FAM193A: variants seen among roughly 807,000 people sequenced by gnomAD.
FAM193A encodes the protein family with sequence similarity 193 member A, also known as protein FAM193A.
A neutral mutation model predicts 126.5 loss-of-function variants in FAM193A; 22 were observed. That is an observed-to-expected ratio of 0.17 (90% CI 0.12 to 0.25). The LOEUF (loss-of-function observed/expected upper bound fraction) is 0.25, where lower values mean the gene tolerates loss of function less well. Ranked by LOEUF, FAM193A falls within the 10% of genes least tolerant of loss-of-function variation. The probability of loss-of-function intolerance (pLI) is 1.00; values close to 1 mark genes in which losing one functional copy is unlikely to be tolerated. For missense variants in FAM193A, 1,675 were observed against 1,672.8 expected, an observed-to-expected ratio of 1.00 and a Z score of -0.02; for synonymous variants, 761 against 646.8, an observed-to-expected ratio of 1.18 and a Z score of -2.68.
At chr4:2,728,972 C>T (rs1210182554) in intron 20 of FAM193A, among the ~76,000 whole-genome samples, 2 of 127,510 alleles carry the variant, frequency 1.6e-5, no homozygotes, top group Admixed American at 1.0e-4. Context: ...AGTGCAGTGG[C>T]GCATTCTCAG....
chr4:2,657,578 T>C (rs897688623), intron 7 of FAM193A, among the ~76,000 whole-genome samples: 7 of 152,226 alleles, frequency 4.6e-5, no homozygotes, highest in Non-Finnish European at 1.0e-4. Flanking sequence ...TTTTACTGTT[T>C]ATTCATCTCT....
chr4:2,727,427 C>G (rs541304639), intron 20 of FAM193A, among the ~76,000 whole-genome samples: 2 of 152,288 alleles, frequency 1.3e-5, no homozygotes, highest in East Asian at 3.9e-4. Flanking sequence ...GACACAGTCT[C>G]TCACTCTGTC....
intron 2 of FAM193A, among the ~76,000 whole-genome samples, chr4:2,621,579 C>T (rs979558022): frequency 1.3e-5 from 2 of 152,158 alleles, no homozygotes; most frequent in African/African-American, 4.8e-5. Flanking sequence ...TCTGTGATCT[C>T]ACTCTGCTGC....
At chr4:2,694,909 C>T (rs777402410) in intron 16 of FAM193A, 37 bp from the exon 17 acceptor site, 11 of 1,538,348 alleles carry the variant, frequency 7.2e-6, no homozygotes, top group Middle Eastern at 2.1e-4. Context: ...CCTCCCGGGC[C>T]GGCCACTTGC....
intron 1 of FAM193A, among the ~76,000 whole-genome samples, chr4:2,548,191 C>A (rs1210632175): frequency 1.3e-5 from 2 of 151,192 alleles, no homozygotes; most frequent in Non-Finnish European, 2.9e-5. Context: ...CCTGCCTCAG[C>A]CTCCCGAGTA....
chr4:2,553,554 T>C (rs930567055), intron 1 of FAM193A, among the ~76,000 whole-genome samples: 5 of 152,036 alleles, frequency 3.3e-5, no homozygotes, highest in Non-Finnish European at 7.4e-5. Context: ...CTAATTTTTG[T>C]ATTTTTAGTA....
intron 12 of FAM193A, 149 bp downstream of exon 12, chr4:2,663,437 A>C: frequency 3.3e-6 from 2 of 600,020 alleles, no homozygotes; most frequent in Non-Finnish European, 5.4e-6. Context: ...TACAATCTCC[A>C]TTTGAATCTT....
At chr4:2,643,391 T>C (rs991690756) in intron 6 of FAM193A, among the ~76,000 whole-genome samples, 9 of 152,212 alleles carry the variant, frequency 5.9e-5, no homozygotes, top group Non-Finnish European at 1.3e-4. Context: ...ACTTTTGATA[T>C]ATTTCATTTT....
intron 6 of FAM193A, among the ~76,000 whole-genome samples, chr4:2,644,938 T>C (rs1212559624): frequency 6.6e-6 from 1 of 152,236 alleles, no homozygotes; most frequent in African/African-American, 2.4e-5. Flanking sequence ...TTTTTCCCTA[T>C]GTCCACTATA....
At position 2,581,800 on chromosome 4, in the gene FAM193A, C is replaced by T. The variant is rs537356012; in HGVS notation, c.256-14284C>T. Among the ~76,000 whole-genome samples the T allele has an allele frequency of 1.4e-4, 21 of 151,704 alleles. No individual in the cohort carries two copies. The East Asian group carries it at 3.5e-3, about 25-fold the overall frequency. On this transcript the variant is annotated intron_variant, in intron 1 of 20. Transcript: ENST00000637812. ...TCCCAAGTAGCTGGGACTACAGGCC[C>T]CCGCCACCATGCACGGCTAATTTTT... is the stretch of plus-strand genomic sequence containing the variant.
At chr4:2,542,650 G>A (rs1372745378) in intron 1 of FAM193A, among the ~76,000 whole-genome samples, 1 of 152,104 alleles carries the variant, frequency 6.6e-6, no homozygotes, top group African/African-American at 2.4e-5. Context: ...GTGCAAAATG[G>A]CACCCAAAAC....
rs1298001913 is a variant in FAM193A at position 2,618,665 on chromosome 4, G to T, written c.502-6597G>T. 4.9e-5 allele frequency among the ~76,000 whole-genome samples: 7 copies of T among 143,564 alleles called. No homozygotes were observed. The Admixed American group carries it at 5.2e-4, about 11-fold the overall frequency. 94.2% of individuals were successfully genotyped at this position (143,564 alleles called of 152,430 possible). The stretch of plus-strand genomic sequence containing the variant: ...GGCTGAAGTGCAATGGTGTGATCTC[G>T]TCTCACTGCAACCTCCTCCTCCTGG... On this transcript the variant is annotated intron_variant, in intron 2 of 20. Transcript: ENST00000637812.
intron 2 of FAM193A, among the ~76,000 whole-genome samples, chr4:2,616,283 CTT>C (rs1009839205): frequency 1.3e-5 from 2 of 152,166 alleles, no homozygotes; most frequent in East Asian, 1.9e-4. Flanking sequence ...GTGAAGCAAA[CTT>C]TGTCTTATAC....
At chr4:2,578,373 A>G (rs1739726647) in intron 1 of FAM193A, among the ~76,000 whole-genome samples, 1 of 151,932 alleles carries the variant, frequency 6.6e-6, no homozygotes, top group South Asian at 2.1e-4. Flanking sequence ...TTGACTAATG[A>G]TTACTGTGCA....
intron 1 of FAM193A, among the ~76,000 whole-genome samples, chr4:2,537,997 T>A (rs1158219568): frequency 1.3e-5 from 2 of 152,218 alleles, no homozygotes; most frequent in East Asian, 3.8e-4. Context: ...GAGGGTACAC[T>A]ATTTATAAGT....
At chr4:2,696,910 G>A (rs1717101617) in intron 18 of FAM193A, among the ~76,000 whole-genome samples, 1 of 152,224 alleles carries the variant, frequency 6.6e-6, no homozygotes, top group Non-Finnish European at 1.5e-5. Context: ...GAAGAAAGGA[G>A]CCGTCAACTG....
chr4:2,627,453 A>G lies in FAM193A; in HGVS notation c.803+876A>G, dbSNP rs1305822071. Among the ~76,000 whole-genome samples the G allele has an allele frequency of 6.7e-5, 5 of 74,508 alleles. No homozygotes were observed. In the East Asian group the frequency reaches 2.4e-3, roughly 36 times the overall value. 48.9% of individuals were successfully genotyped at this position (74,508 alleles called of 152,430 possible). On this transcript the variant is annotated intron_variant, in intron 4 of 20. Coordinates refer to ENST00000637812, the MANE Select transcript of FAM193A (RefSeq NM_001366318.2). ...CGTGAGCCACTGCGTCCGGCAACAT[A>G]ACATATTTTTATGTTTTTTGAAATG... is the stretch of plus-strand genomic sequence containing the variant.
intron 7 of FAM193A, among the ~76,000 whole-genome samples, chr4:2,651,759 G>A (rs1745692001): frequency 6.6e-6 from 1 of 152,244 alleles, no homozygotes; most frequent in South Asian, 2.1e-4. Context: ...CTCGCTGCCT[G>A]TCCTCAGGAC....
At chr4:2,596,715 T>G (rs1240178897) in intron 2 of FAM193A, among the ~76,000 whole-genome samples, 2 of 152,226 alleles carry the variant, frequency 1.3e-5, no homozygotes, top group African/African-American at 4.8e-5. Context: ...ACCTTCCCTT[T>G]TACTTATTTG....
Sources: gnomAD v4.1 joint callset for allele counts (sites outside exome capture counted in the v4.1 genomes callset) on GRCh38, gnomAD v4.1.1 for gene constraint, MANE v1.5 for transcripts, NCBI Gene and HGNC (gene_info 2026-07-23, HGNC 2026-07-21) for gene names.